MME: variants seen among roughly 807,000 people sequenced by gnomAD.
MME encodes neprilysin.
Under a neutral mutation model 113.2 loss-of-function variants are expected in MME, and 98 were observed. The observed-to-expected ratio is 0.87, with a 90% CI of 0.74 to 1.02. MME has a LOEUF of 1.02. MME is among the 50% of genes least tolerant of loss of function. The pLI, the probability that MME is intolerant of heterozygous loss-of-function variation, is 0.00. For synonymous variants in MME, 292 were observed against 300.6 expected (o/e 0.97, Z 0.30); for missense variants, 836 against 896.0 (o/e 0.93, Z 0.86).
intron 1 of MME, among the ~76,000 whole-genome samples, chr3:155,046,424 A>G (rs2108124800): frequency 6.6e-6 from 1 of 152,372 alleles, no homozygotes. Flanking sequence ...GTGATGGCTC[A>G]TGCCTGTAAT....
chr3:155,066,052 G>A (rs561033522), intron 1 of MME, among the ~76,000 whole-genome samples: 1 of 152,278 alleles, frequency 6.6e-6, no homozygotes, highest in South Asian at 2.1e-4. Context: ...AGACCAGGAA[G>A]ACAATTCTAG....
chr3:155,042,303 C>CT (rs1391290167), intron 1 of MME, among the ~76,000 whole-genome samples: 1 of 152,078 alleles, frequency 6.6e-6, no homozygotes, highest in Non-Finnish European at 1.5e-5. Context: ...TAGCTAATTA[C>CT]TTTTTTATTT....
intron 22 of MME, among the ~76,000 whole-genome samples, chr3:155,177,281 T>A (rs962499893): frequency 6.6e-6 from 1 of 152,184 alleles, no homozygotes; most frequent in African/African-American, 2.4e-5. Flanking sequence ...TGGCTTACCC[T>A]GTCAACCAGG....
chr3:155,046,804 T>C (rs181796652), intron 1 of MME, among the ~76,000 whole-genome samples: 1 of 152,178 alleles, frequency 6.6e-6, no homozygotes, highest in Non-Finnish European at 1.5e-5. Context: ...AACAAAAAAG[T>C]TTAAAAAGTA....
chr3:155,084,247 T>C lies in MME; in HGVS notation c.80T>C (p.Leu27Pro), dbSNP rs1391261402. ...AAGAAGAAACAGCGATGGACTCCAC[T>C]GGAGATCAGCCTCTCGGTCCTTGTC... The part of the protein sequence containing the change: ...KPKKKQRWTP[L>P]EISLSVLVLL... Residue 27 changes from leucine to proline, a missense_variant, in exon 2 of 23, where the codon CTG becomes CCG. By Grantham distance (98) the Leu-to-Pro change is moderately conservative. Coordinates refer to ENST00000360490, the MANE Select transcript of MME (RefSeq NM_007289.4). 13 of 1,614,050 alleles carry C rather than the reference T, an allele frequency of 8.1e-6. No homozygotes were observed. Among genetic ancestry groups the C allele is most frequent in the Admixed American group, 3.3e-5 (2 of 59,998 alleles).
At position 155,069,400 on chromosome 3, in the gene MME, G is replaced by A. The variant is rs532100269; in HGVS notation, c.-10-14758G>A. 4.6e-5 allele frequency among the ~76,000 whole-genome samples: 7 copies of A among 152,268 alleles called. No homozygotes were observed. In the East Asian group the frequency reaches 9.6e-4, roughly 21 times the overall value. ...AGAGAAAATTAAAGATGCTTTCAGT[G>A]AGAGGGATGAAAGAATTGATCAGCT... On this transcript the variant is annotated intron_variant, in intron 1 of 22. Transcript: ENST00000492661.
intron 1 of MME, among the ~76,000 whole-genome samples, chr3:155,052,740 A>T (rs976013270): frequency 6.6e-6 from 1 of 152,006 alleles, no homozygotes; most frequent in African/African-American, 2.4e-5. Context: ...CATTTTCCCC[A>T]TTGTCTTGGT....
intron 1 of MME, among the ~76,000 whole-genome samples, chr3:155,062,318 T>C (rs1714177728): frequency 6.6e-6 from 1 of 152,210 alleles, no homozygotes; most frequent in Non-Finnish European, 1.5e-5. Context: ...ACAAATGCTA[T>C]TTAGTTTATC....
At position 155,071,070 on chromosome 3, in the gene MME, G is replaced by T. The variant is rs1340630992; in HGVS notation, c.-10-13088G>T. ...GTATGTGGTGATGGGCATACCAAGG[G>T]CTCAAAATCAGCCCTCCCTCCAGGC... On this transcript the variant is annotated intron_variant, in intron 1 of 22. Coordinates refer to the MME transcript ENST00000492661. Among the ~76,000 whole-genome samples the T allele has an allele frequency of 4.6e-5, 7 of 152,168 alleles. No homozygotes were observed. In the South Asian group the frequency reaches 1.4e-3, roughly 31 times the overall value.
intron 22 of MME, among the ~76,000 whole-genome samples, chr3:155,177,476 T>C (rs573231917): frequency 4.4e-4 from 67 of 152,306 alleles, no homozygotes; most frequent in Admixed American, 4.4e-3. Context: ...ATTTCTAAGC[T>C]CTTTTAATTC....
intron 1 of MME, among the ~76,000 whole-genome samples, chr3:155,063,621 A>AATATATTATATTTGATT (rs1010415261): frequency 3.4e-5 from 4 of 117,628 alleles, no homozygotes. Flanking sequence ...TATAATATAT[A>AATATATTATATTTGATT]ATATATTATA....
At chr3:155,125,010 C>T (rs1043346317) in intron 8 of MME, among the ~76,000 whole-genome samples, 10 of 152,024 alleles carry the variant, frequency 6.6e-5, no homozygotes, top group Admixed American at 2.6e-4. Flanking sequence ...AGGCGCCCCT[C>T]CCCCAGCCTC....
At position 155,182,064 on chromosome 3, in the gene MME, G is replaced by A. The variant is rs200959318; in HGVS notation, c.*1605G>A. Reference sequence around the variant, plus strand: ...ACAGAGCAGTACCAGCGCTCTAAAAGCACCTCCTTGTCACTTTATTACTCC... The same window carrying A: ...ACAGAGCAGTACCAGCGCTCTAAAAACACCTCCTTGTCACTTTATTACTCC... On this transcript the variant is annotated 3_prime_UTR_variant, in exon 23 of 23. Coordinates refer to ENST00000360490, the MANE Select transcript of MME (RefSeq NM_007289.4). The A allele has an allele frequency of 6.6e-6, 1 of 152,166 alleles. No individual in the cohort carries two copies. Among genetic ancestry groups the A allele is most frequent in the Non-Finnish European group, 1.5e-5 (1 of 68,036 alleles). 9.4% of individuals were successfully genotyped at this position (152,166 alleles called of 1,614,324 possible). A position where few individuals can be genotyped will look rare whatever the true frequency, so the allele number is the denominator to read the frequency against.
intron 1 of MME, among the ~76,000 whole-genome samples, chr3:155,069,235 G>T (rs1435422898): frequency 6.6e-6 from 1 of 152,120 alleles, no homozygotes; most frequent in Non-Finnish European, 1.5e-5. Flanking sequence ...GAAAAGAGAA[G>T]AAATGATGCT....
At chr3:155,164,299 A>G (rs1722933228) in intron 17 of MME, among the ~76,000 whole-genome samples, 1 of 152,120 alleles carries the variant, frequency 6.6e-6, no homozygotes, top group African/African-American at 2.4e-5. Context: ...AAACAGGGGG[A>G]AGAGGAGACA....
intron 4 of MME, among the ~76,000 whole-genome samples, 188 bp downstream of exon 4, chr3:155,115,343 T>C (rs1302390666): frequency 6.6e-6 from 1 of 152,252 alleles, no homozygotes; most frequent in Non-Finnish European, 1.5e-5. Context: ...TGTTGACATC[T>C]CTTAGCATTC....
chr3:155,062,489 T>C (rs529700057), intron 1 of MME, among the ~76,000 whole-genome samples: 3 of 152,288 alleles, frequency 2.0e-5, no homozygotes, highest in African/African-American at 7.2e-5. Flanking sequence ...GCAAATGTAA[T>C]GCTCTGTGAA....
chr3:155,082,823 C>T (rs1472804698), intron 1 of MME, among the ~76,000 whole-genome samples: 1 of 152,150 alleles, frequency 6.6e-6, no homozygotes, highest in Non-Finnish European at 1.5e-5. Context: ...CCAGACCATA[C>T]TTCAAATGTA....
chr3:155,050,839 A>G lies in MME; in HGVS notation c.-11+26515A>G, dbSNP rs375182683. Among the ~76,000 whole-genome samples, 819 of 152,162 alleles carry G rather than the reference A, an allele frequency of 5.4e-3. 4 individuals carry two copies. Among genetic ancestry groups the G allele is most frequent in the African/African-American group, 0.019 (792 of 41,520 alleles). On this transcript the variant is annotated intron_variant, in intron 1 of 22. Coordinates refer to the MME transcript ENST00000492661. ...TGCAGAAGCTCTTTAGTTTAATTCA[A>G]TCCCACTTGTCAACATTTGCTTGTG...
Sources: gnomAD v4.1 joint callset for allele counts (sites outside exome capture counted in the v4.1 genomes callset) on GRCh38, gnomAD v4.1.1 for gene constraint, MANE v1.5 for transcripts, NCBI Gene and HGNC (gene_info 2026-07-23, HGNC 2026-07-21) for gene names.